Variants in COL13A1 observed in about 807,000 individuals in gnomAD.
COL13A1 encodes the protein collagen type XIII alpha 1 chain.
A neutral mutation model predicts 130.9 loss-of-function variants in COL13A1; 89 were observed. The observed-to-expected ratio is 0.68, with a 90% CI of 0.57 to 0.81. The LOEUF is 0.81. Among genes scored for constraint, COL13A1 ranks in the 30% least tolerant of loss-of-function variants. The probability of loss-of-function intolerance (pLI) is 0.00; values close to 1 mark genes in which losing one functional copy is unlikely to be tolerated. For synonymous variants in COL13A1, 402 were observed against 341.6 expected, an observed-to-expected ratio of 1.18 and a Z score of -1.95; for missense variants, 879 against 934.6, an observed-to-expected ratio of 0.94 and a Z score of 0.78.
chr10:69,899,973 C>T (rs1483990373), intron 14 of COL13A1, among the ~76,000 whole-genome samples: 2 of 152,194 alleles, frequency 1.3e-5, no homozygotes, highest in African/African-American at 4.8e-5. Context: ...CTCCAATTAA[C>T]AGCTAAAAAT....
At chr10:69,886,592 G>C (rs756627210) in intron 7 of COL13A1, among the ~76,000 whole-genome samples, 12 of 152,156 alleles carry the variant, frequency 7.9e-5, no homozygotes, top group Non-Finnish European at 2.9e-5. Context: ...TGGGATTGAG[G>C]GATGGCCTTG....
chr10:69,942,716 C>A (rs2067824736), intron 35 of COL13A1, among the ~76,000 whole-genome samples: 1 of 152,216 alleles, frequency 6.6e-6, no homozygotes, highest in Admixed American at 6.5e-5. Context: ...GAGGCAGACA[C>A]ACGTGGTACA....
chr10:69,825,274 T>A (rs1847198109), intron 2 of COL13A1, among the ~76,000 whole-genome samples: 1 of 152,216 alleles, frequency 6.6e-6, no homozygotes, highest in Admixed American at 6.5e-5. Flanking sequence ...TTCTTGCCCT[T>A]ACATCATGCA....
In COL13A1 at chr10:69,802,660, C is replaced by G. The variant is rs202030509; in HGVS notation, c.237C>G (p.Arg79=). Residue 79 remains arginine, a synonymous_variant, in exon 1 of 41, where the codon CGC becomes CGG. Coordinates refer to ENST00000645393, the MANE Select transcript of COL13A1 (RefSeq NM_001368882.1). ...GGGTGCTGCGCCTGGAAGCGGAGCG[C>G]GGGGAGCAGCAAATGGAGACGGCTA... ...QARVLRLEAE[R]GEQQMETAIL... The G allele has an allele frequency of 6.2e-7, 1 of 1,613,452 alleles. No individual in the cohort carries two copies.
chr10:69,888,192 G>C, intron 8 of COL13A1, 112 bp from the exon 9 acceptor site: 1 of 1,291,320 alleles, frequency 7.7e-7, no homozygotes, highest in South Asian at 1.3e-5. Flanking sequence ...GCAGGGCCTT[G>C]AGCTCCAACT....
chr10:69,915,077 A>T (rs2063779067), intron 17 of COL13A1, among the ~76,000 whole-genome samples: 1 of 152,246 alleles, frequency 6.6e-6, no homozygotes, highest in Non-Finnish European at 1.5e-5. Flanking sequence ...GGCATAACAG[A>T]CAACAGACTA....
chr10:69,809,136 G>A (rs967727504), intron 1 of COL13A1, among the ~76,000 whole-genome samples: 1 of 152,210 alleles, frequency 6.6e-6, no homozygotes, highest in South Asian at 2.1e-4. Flanking sequence ...CAACACCATA[G>A]CATTTGAACC....
At chr10:69,947,560 G>A (rs149509646) in intron 38 of COL13A1, among the ~76,000 whole-genome samples, 2 of 152,178 alleles carry the variant, frequency 1.3e-5, no homozygotes, top group Non-Finnish European at 2.9e-5. Flanking sequence ...ACAGCAAGGA[G>A]AGACTGAATC....
At chr10:69,925,966 G>C in intron 26 of COL13A1, 94 bp downstream of exon 26, 1 of 1,079,786 alleles carries the variant, frequency 9.3e-7, no homozygotes, top group Non-Finnish European at 1.4e-6. Flanking sequence ...AGCCGAGTAG[G>C]GGCCCTGCCC....
intron 2 of COL13A1, among the ~76,000 whole-genome samples, chr10:69,854,929 T>C (rs536056702): frequency 2.0e-5 from 3 of 152,226 alleles, no homozygotes; most frequent in Admixed American, 2.0e-4. Flanking sequence ...AGCTTTGTCA[T>C]GTGTGTAAGG....
intron 2 of COL13A1, among the ~76,000 whole-genome samples, chr10:69,856,643 G>A (rs892171486): frequency 2.6e-5 from 4 of 152,238 alleles, no homozygotes; most frequent in Non-Finnish European, 5.9e-5. Context: ...AGGAGAGGAT[G>A]TGAAGCCGTG....
intron 3 of COL13A1, 37 bp downstream of exon 3, chr10:69,867,842 G>A (rs987876545): frequency 8.4e-6 from 6 of 718,156 alleles, no homozygotes; most frequent in Non-Finnish European, 1.6e-5. Context: ...GCATCTGAAA[G>A]GCCTGTGTCA....
chr10:69,947,190 T>A (rs1395896593), intron 37 of COL13A1, 117 bp from the exon 38 acceptor site: 40 of 906,888 alleles, frequency 4.4e-5, no homozygotes, highest in Non-Finnish European at 6.9e-5. Context: ...TGGGAATAAC[T>A]AAACCTGTCT....
chr10:69,843,812 G>C (rs778931509), intron 2 of COL13A1, among the ~76,000 whole-genome samples: 9 of 152,234 alleles, frequency 5.9e-5, no homozygotes, highest in Admixed American at 2.6e-4. Context: ...GTGTCCTGCT[G>C]TGTCCACGAC....
intron 1 of COL13A1, among the ~76,000 whole-genome samples, chr10:69,812,738 G>A (rs1843384068): frequency 6.6e-6 from 1 of 152,248 alleles, no homozygotes; most frequent in Non-Finnish European, 1.5e-5. Context: ...GCCATTGAAA[G>A]TAATGGCAAA....
chr10:69,805,639 T>C (rs539738855), intron 1 of COL13A1, among the ~76,000 whole-genome samples: 1 of 152,346 alleles, frequency 6.6e-6, no homozygotes, highest in South Asian at 2.1e-4. Context: ...GAGAAAGAAC[T>C]TGTACATCCT....
chr10:69,878,423 T>C (rs967599002), intron 6 of COL13A1, among the ~76,000 whole-genome samples: 2 of 151,820 alleles, frequency 1.3e-5, no homozygotes, highest in African/African-American at 4.8e-5. Flanking sequence ...AAGTCAGAAA[T>C]CCAGAAGCCA....
chr10:69,933,981 T>C (rs1719052608), intron 31 of COL13A1, among the ~76,000 whole-genome samples: 1 of 151,980 alleles, frequency 6.6e-6, no homozygotes, highest in South Asian at 2.1e-4. Flanking sequence ...TCACAGTAAG[T>C]GAAAAAGAGT....
intron 38 of COL13A1, among the ~76,000 whole-genome samples, chr10:69,949,984 ATG>A (rs2069224785): frequency 6.8e-6 from 1 of 146,896 alleles, no homozygotes. Flanking sequence ...GTGTGTGTGC[ATG>A]TGTTTGTGTG....
Sources: allele counts gnomAD v4.1 joint callset (sites outside exome capture counted in the v4.1 genomes callset), GRCh38; gene constraint gnomAD v4.1.1; transcripts MANE v1.5; gene names NCBI Gene and HGNC (gene_info 2026-07-23, HGNC 2026-07-21).